The following KIRREL3 variants were observed in gnomAD, a reference collection of about 807,000 sequenced individuals.
KIRREL3 encodes the protein kirre like nephrin family adhesion molecule 3, also known as kin of IRRE-like protein 3.
In KIRREL3, 36 loss-of-function variants were observed where a neutral mutation model predicts 89.7. The observed-to-expected ratio is 0.40, with a 90% CI of 0.31 to 0.53. The LOEUF is 0.53. Among genes scored for constraint, KIRREL3 ranks in the 20% least tolerant of loss-of-function variants. The probability of loss-of-function intolerance (pLI) is 0.49; values close to 1 mark genes in which losing one functional copy is unlikely to be tolerated. For synonymous variants in KIRREL3, 445 were observed against 441.4 expected, an observed-to-expected ratio of 1.01 and a Z score of -0.10; for missense variants, 864 against 1,056.6, an observed-to-expected ratio of 0.82 and a Z score of 2.53.
In KIRREL3 at chr11:126,755,030, G is replaced by T. The variant is rs1335800543; in HGVS notation, c.56-192118C>A. Among the ~76,000 whole-genome samples the T allele has an allele frequency of 6.6e-6, 1 of 152,118 alleles. No homozygotes were observed. Among genetic ancestry groups the T allele is most frequent in the Non-Finnish European group, 1.5e-5 (1 of 68,020 alleles). On this transcript the variant is annotated intron_variant, in intron 1 of 16. Coordinates refer to ENST00000525144, the MANE Select transcript of KIRREL3 (RefSeq NM_032531.4). This position sits in a 1 kb window ranked among gnomAD's most constrained non-coding sequence, Gnocchi z 4.3. ...AAAGGTTTGTATGAGTTTAAATTGG[G>T]CCCAAGGAACCCAGATAAGAGTATC...
chr11:126,624,928 A>T lies in KIRREL3; in HGVS notation c.56-62016T>A, dbSNP rs1943719463. 6.6e-6 allele frequency among the ~76,000 whole-genome samples: 1 copy of T among 152,078 alleles called. No homozygotes were observed. The highest frequency in any genetic ancestry group is 2.4e-5 in the African/African-American group (1 of 41,404). On this transcript the variant is annotated intron_variant, in intron 1 of 16. Transcript: ENST00000525144. The surrounding 1 kb of genome is among the most constrained non-coding windows in gnomAD (Gnocchi z 6.0). ...AATTGGGGTGGGGCAGGGACTGCTG[A>T]TGGCGTTTCCTAGTCACTCATCACA... is the stretch of plus-strand genomic sequence containing the variant.
rs1235973530 is a variant in KIRREL3, at chr11:126,768,187, A to G, written c.56-205275T>C. On this transcript the variant is annotated intron_variant, in intron 1 of 16. Coordinates refer to ENST00000525144, the MANE Select transcript of KIRREL3 (RefSeq NM_032531.4). This position sits in a 1 kb window ranked among gnomAD's most constrained non-coding sequence, Gnocchi z 4.5. ...ATCCATCCAATCCATCCATCCATCC[A>G]TCCATCCATCCATCCATCCATCCAT... 2.0e-5 allele frequency among the ~76,000 whole-genome samples: 3 copies of G among 147,398 alleles called. No individual in the cohort carries two copies. Among genetic ancestry groups the G allele is most frequent in the African/African-American group, 7.6e-5 (3 of 39,606 alleles).
intron 1 of KIRREL3, among the ~76,000 whole-genome samples, chr11:126,770,036 G>A (rs2134294956): frequency 6.6e-6 from 1 of 152,176 alleles, no homozygotes; most frequent in South Asian, 2.1e-4. Flanking sequence ...TTGGGCTCTG[G>A]GTAGGTGTGT....
intron 4 of KIRREL3, among the ~76,000 whole-genome samples, chr11:126,497,021 G>C (rs1007131035): frequency 6.6e-6 from 1 of 152,210 alleles, no homozygotes; most frequent in Non-Finnish European, 1.5e-5. Flanking sequence ...GTGGGGTCCA[G>C]TGCTTAGCCA....
chr11:126,531,002 G>A lies in KIRREL3; in HGVS notation c.134-4315C>T, dbSNP rs1334303569. 1.3e-5 allele frequency among the ~76,000 whole-genome samples: 2 copies of A among 151,888 alleles called. No individual in the cohort carries two copies. Among genetic ancestry groups the A allele is most frequent in the African/African-American group, 4.8e-5 (2 of 41,334 alleles). On this transcript the variant is annotated intron_variant, in intron 2 of 16. Transcript: ENST00000525144. This position sits in a 1 kb window ranked among gnomAD's most constrained non-coding sequence, Gnocchi z 4.7. ...CTCACCACCATGTCTGGTAATTTTTGTATTTTTAGTAGAGACAGGGTTTCA... is the reference window on the plus strand; with the variant it reads ...CTCACCACCATGTCTGGTAATTTTTATATTTTTAGTAGAGACAGGGTTTCA...
intron 1 of KIRREL3, among the ~76,000 whole-genome samples, chr11:126,786,454 T>G (rs1400843437): frequency 6.6e-6 from 1 of 152,218 alleles, no homozygotes; most frequent in Non-Finnish European, 1.5e-5. Flanking sequence ...AAGCAATTAA[T>G]AGTAGACCAG....
chr11:126,448,648 C>T (rs941512367), intron 8 of KIRREL3, among the ~76,000 whole-genome samples: 7 of 152,152 alleles, frequency 4.6e-5, no homozygotes, highest in Non-Finnish European at 8.8e-5. Flanking sequence ...CAAGAGCTTG[C>T]TTCTCTCTTT....
chr11:126,973,836 T>C (rs1949497115), intron 1 of KIRREL3, among the ~76,000 whole-genome samples: 1 of 152,174 alleles, frequency 6.6e-6, no homozygotes, highest in Non-Finnish European at 1.5e-5. Flanking sequence ...CATCAAATAT[T>C]TATTGTTGCT....
rs182098047 is a variant in KIRREL3, at chr11:126,724,190, C to T, written c.56-161278G>A. Among the ~76,000 whole-genome samples the T allele has an allele frequency of 1.2e-3, 182 of 152,326 alleles. No homozygotes were observed. The highest frequency in any genetic ancestry group is 2.1e-3 in the Non-Finnish European group (144 of 68,044). The stretch of plus-strand genomic sequence containing the variant: ...GGGAAGAACATCACCCCCATTTCAA[C>T]CTTCAGAGGCAGGTTGCTTCTGCCA... On this transcript the variant is annotated intron_variant, in intron 1 of 16. Coordinates refer to ENST00000525144, the MANE Select transcript of KIRREL3 (RefSeq NM_032531.4). The surrounding 1 kb of genome is among the most constrained non-coding windows in gnomAD (Gnocchi z 4.3).
At chr11:126,633,751 A>G (rs1161049001) in intron 1 of KIRREL3, among the ~76,000 whole-genome samples, 1 of 152,244 alleles carries the variant, frequency 6.6e-6, no homozygotes, top group Admixed American at 6.5e-5. Flanking sequence ...AAAGGGTCTA[A>G]GAAAAACACT....
chr11:126,899,865 T>C (rs905674964), intron 1 of KIRREL3, among the ~76,000 whole-genome samples: 1 of 152,168 alleles, frequency 6.6e-6, no homozygotes, highest in Non-Finnish European at 1.5e-5. Context: ...GTGGTTGAGT[T>C]TTTAGAACAG....
intron 5 of KIRREL3, among the ~76,000 whole-genome samples, chr11:126,464,966 C>T (rs1443407869): frequency 6.6e-6 from 1 of 152,168 alleles, no homozygotes; most frequent in Non-Finnish European, 1.5e-5. Context: ...GAAGCTAGTT[C>T]CCCATTGTGG....
intron 1 of KIRREL3, among the ~76,000 whole-genome samples, chr11:126,939,300 A>G (rs1395249409): frequency 1.3e-5 from 2 of 152,108 alleles, no homozygotes; most frequent in Non-Finnish European, 2.9e-5. Flanking sequence ...TCCACCTTCG[A>G]GCGCTTAATT....
rs1033160907 is a variant in KIRREL3, at chr11:126,899,401, G to A, written c.55+101054C>T. On this transcript the variant is annotated intron_variant, in intron 1 of 16. Coordinates refer to ENST00000525144, the MANE Select transcript of KIRREL3 (RefSeq NM_032531.4). ...AAACACAAAATCTCTGATAATAGCC[G>A]TAAAAGAAAAGAAGTGTCACCTATC... 7.9e-5 allele frequency among the ~76,000 whole-genome samples: 12 copies of A among 152,258 alleles called. 1 individual carries two copies. Among genetic ancestry groups the A allele is most frequent in the Admixed American group, 4.6e-4 (7 of 15,290 alleles).
In KIRREL3 at chr11:126,995,977, G is replaced by T. The variant is rs1044848470; in HGVS notation, c.55+4478C>A. Among the ~76,000 whole-genome samples the T allele has an allele frequency of 6.6e-6, 1 of 152,112 alleles. No homozygotes were observed. The highest frequency in any genetic ancestry group is 1.9e-4 in the East Asian group (1 of 5,180). On this transcript the variant is annotated intron_variant, in intron 1 of 16. Coordinates refer to ENST00000525144, the MANE Select transcript of KIRREL3 (RefSeq NM_032531.4). This position sits in a 1 kb window ranked among gnomAD's most constrained non-coding sequence, Gnocchi z 6.5. ...CAAATCCTCCTCTGTACACCCAAGA[G>T]GGGGACCCCATGGTATCCTCTTAGA...
chr11:126,667,466 G>A (rs1565633444), intron 1 of KIRREL3, among the ~76,000 whole-genome samples: 1 of 152,232 alleles, frequency 6.6e-6, no homozygotes, highest in Non-Finnish European at 1.5e-5. Flanking sequence ...AAAATAGTGG[G>A]TTTTTAAGGA....
Position 126,607,818 on chromosome 11 carries a change from G to A in KIRREL3, c.56-44906C>T, listed in dbSNP as rs1480154007. On this transcript the variant is annotated intron_variant, in intron 1 of 16. Coordinates refer to ENST00000525144, the MANE Select transcript of KIRREL3 (RefSeq NM_032531.4). The surrounding 1 kb of genome is among the most constrained non-coding windows in gnomAD (Gnocchi z 6.6). ...CCCTGCAGGGTACACAGATGAATAG[G>A]GAGCGTTGCTGAGCACTTGCAATCA... Among the ~76,000 whole-genome samples the A allele has an allele frequency of 6.6e-6, 1 of 152,126 alleles. No individual in the cohort carries two copies. The highest frequency in any genetic ancestry group is 1.5e-5 in the Non-Finnish European group (1 of 68,020).
intron 1 of KIRREL3, among the ~76,000 whole-genome samples, chr11:126,825,667 A>G (rs1339036243): frequency 6.6e-6 from 1 of 152,228 alleles, no homozygotes; most frequent in Non-Finnish European, 1.5e-5. Context: ...GTTACTGAAA[A>G]TAAAATGCGA....
At chr11:126,834,239 A>G (rs1354459829) in intron 1 of KIRREL3, among the ~76,000 whole-genome samples, 1 of 152,138 alleles carries the variant, frequency 6.6e-6, no homozygotes, top group African/African-American at 2.4e-5. Context: ...CTGGGAGGTG[A>G]GGTTGTCATA....
Sources: allele counts gnomAD v4.1 joint callset (sites outside exome capture counted in the v4.1 genomes callset), GRCh38; gene constraint gnomAD v4.1.1; non-coding constraint Gnocchi (gnomAD v3.1); transcripts MANE v1.5; gene names NCBI Gene and HGNC (gene_info 2026-07-23, HGNC 2026-07-21).